Variants in KCNJ6 observed in about 807,000 individuals in gnomAD.
The protein encoded by KCNJ6 is G protein-activated inward rectifier potassium channel 2.
A neutral mutation model predicts 34.2 loss-of-function variants in KCNJ6; 9 were observed. The observed-to-expected ratio is 0.26, with a 90% CI of 0.16 to 0.46. KCNJ6 has a LOEUF of 0.46. Among genes scored for constraint, KCNJ6 ranks in the 20% least tolerant of loss-of-function variants. KCNJ6 has a pLI of 1.00. For missense variants in KCNJ6, 236 were observed against 531.3 expected, an observed-to-expected ratio of 0.44 and a Z score of 5.46; for synonymous variants, 196 against 207.1, an observed-to-expected ratio of 0.95 and a Z score of 0.46.
chr21:37,729,528 T>C (rs1012379751), intron 2 of KCNJ6, among the ~76,000 whole-genome samples: 6 of 152,198 alleles, frequency 3.9e-5, no homozygotes, highest in African/African-American at 1.2e-4. Flanking sequence ...CTTGCCATGA[T>C]GCTCAGGCTG....
intron 2 of KCNJ6, 46 bp from the exon 3 acceptor site, chr21:37,715,177 C>G: frequency 6.6e-7 from 1 of 1,510,842 alleles, no homozygotes; most frequent in Non-Finnish European, 9.0e-7. Context: ...GAAAGGCTGG[C>G]TCTTTGAGGA....
At chr21:37,698,130 C>T (rs1434764528) in intron 3 of KCNJ6, among the ~76,000 whole-genome samples, 2 of 152,256 alleles carry the variant, frequency 1.3e-5, no homozygotes, top group Non-Finnish European at 2.9e-5. Flanking sequence ...GTACTGTTTA[C>T]TGCGGGATCT....
chr21:37,769,103 C>T (rs376998148), intron 2 of KCNJ6, among the ~76,000 whole-genome samples: 14 of 152,276 alleles, frequency 9.2e-5, no homozygotes, highest in East Asian at 1.9e-4. Flanking sequence ...TCAGATGCTG[C>T]GCACGGGGTG....
intron 2 of KCNJ6, among the ~76,000 whole-genome samples, chr21:37,792,194 G>A (rs532467787): frequency 6.6e-6 from 1 of 152,348 alleles, no homozygotes; most frequent in South Asian, 2.1e-4. Context: ...AAATGCTTGT[G>A]CATCAGCTGC....
intron 3 of KCNJ6, among the ~76,000 whole-genome samples, chr21:37,690,139 ATATC>A (rs1356858037): frequency 6.6e-6 from 1 of 152,172 alleles, no homozygotes; most frequent in African/African-American, 2.4e-5. Flanking sequence ...TTATTTCAAA[ATATC>A]TATATATTTG....
At chr21:37,823,058 C>A (rs2055381579) in intron 2 of KCNJ6, among the ~76,000 whole-genome samples, 1 of 152,130 alleles carries the variant, frequency 6.6e-6, no homozygotes, top group South Asian at 2.1e-4. Flanking sequence ...GAGGGAGGGA[C>A]AGATTCACAT....
intron 3 of KCNJ6, among the ~76,000 whole-genome samples, chr21:37,671,766 GGTT>G (rs1346337236): frequency 6.6e-6 from 1 of 152,202 alleles, no homozygotes; most frequent in Non-Finnish European, 1.5e-5. Flanking sequence ...CTGCAGCACT[GGTT>G]GTTGTTGGAG....
intron 2 of KCNJ6, among the ~76,000 whole-genome samples, chr21:37,748,530 G>A (rs2054978978): frequency 6.6e-6 from 1 of 151,766 alleles, no homozygotes; most frequent in South Asian, 2.1e-4. Flanking sequence ...GCTTGGTTTT[G>A]TGGTAGTGGG....
At position 37,701,395 on chromosome 21, in the gene KCNJ6, T is replaced by TGTG. The variant is rs1569448045; in HGVS notation, c.946+12815_946+12816insCAC. On this transcript the variant is annotated intron_variant, in intron 3 of 3. Transcript: ENST00000609713. ...GTTTGACCAAGACCAGGTTAACTTT[T>TGTG]TGTGTGTGTGTGTGTGGCAATTTTA... 1.7e-4 allele frequency among the ~76,000 whole-genome samples: 26 copies of TGTG among 151,508 alleles called. No homozygotes were observed. The East Asian group carries it at 4.3e-3, about 25-fold the overall frequency.
intron 2 of KCNJ6, among the ~76,000 whole-genome samples, chr21:37,768,151 A>G (rs1166035282): frequency 6.8e-6 from 1 of 148,100 alleles, no homozygotes; most frequent in Non-Finnish European, 1.5e-5. Context: ...CTTCTCAGCC[A>G]TATGTCAGCC....
intron 1 of KCNJ6, among the ~76,000 whole-genome samples, chr21:37,862,074 G>T (rs150435718): frequency 6.6e-6 from 1 of 152,202 alleles, no homozygotes; most frequent in African/African-American, 2.4e-5. Context: ...CCCAAGTAAG[G>T]CTTAGAAGAC....
In KCNJ6 at chr21:37,706,662, T is replaced by C. The variant is rs576984554; in HGVS notation, c.946+7549A>G. 7.9e-4 allele frequency among the ~76,000 whole-genome samples: 120 copies of C among 152,382 alleles called. 1 individual carries two copies. Among genetic ancestry groups the C allele is most frequent in the African/African-American group, 2.8e-3 (117 of 41,590 alleles). On this transcript the variant is annotated intron_variant, in intron 3 of 3. Transcript: ENST00000609713. ...ATAACTTAGCCAAAGCAGACTGATA[T>C]AGTATCTATCATTCTTTCTATGTAA...
intron 1 of KCNJ6, among the ~76,000 whole-genome samples, chr21:37,912,172 T>G (rs186893944): frequency 2.6e-5 from 4 of 152,248 alleles, no homozygotes; most frequent in African/African-American, 9.6e-5. Flanking sequence ...AATAGCAAAA[T>G]GGAACCAAGT....
At chr21:37,646,412 C>G (rs1225146672) in intron 3 of KCNJ6, among the ~76,000 whole-genome samples, 6 of 152,104 alleles carry the variant, frequency 3.9e-5, no homozygotes, top group African/African-American at 1.4e-4. Context: ...GTTATTATCC[C>G]GGGGTGACAT....
intron 2 of KCNJ6, among the ~76,000 whole-genome samples, chr21:37,802,528 C>A (rs2055274159): frequency 6.6e-6 from 1 of 152,044 alleles, no homozygotes; most frequent in African/African-American, 2.4e-5. Context: ...GGCTATGCTG[C>A]CAGCTTTGAA....
chr21:37,811,043 G>A (rs2055320117), intron 2 of KCNJ6, among the ~76,000 whole-genome samples: 1 of 152,148 alleles, frequency 6.6e-6, no homozygotes, highest in South Asian at 2.1e-4. Flanking sequence ...CATCCTCCGG[G>A]AAGAGGAGAG....
chr21:37,700,807 C>T (rs1237242676), intron 3 of KCNJ6, among the ~76,000 whole-genome samples: 2 of 152,126 alleles, frequency 1.3e-5, no homozygotes, highest in Non-Finnish European at 2.9e-5. Flanking sequence ...TAGACCTATT[C>T]CACAGACTTC....
chr21:37,694,748 G>T (rs539557889), intron 3 of KCNJ6, among the ~76,000 whole-genome samples: 6 of 152,314 alleles, frequency 3.9e-5, no homozygotes, highest in African/African-American at 1.2e-4. Context: ...CTCCCAATGT[G>T]ACTGTACTTA....
chr21:37,784,880 ATT>A (rs1410253496), intron 2 of KCNJ6, among the ~76,000 whole-genome samples: 1 of 152,016 alleles, frequency 6.6e-6, no homozygotes, highest in Non-Finnish European at 1.5e-5. Context: ...AGAATTTAAT[ATT>A]TTCCTCCAGA....
Sources: allele counts gnomAD v4.1 joint callset (sites outside exome capture counted in the v4.1 genomes callset), GRCh38; gene constraint gnomAD v4.1.1; transcripts MANE v1.5; gene names NCBI Gene and HGNC (gene_info 2026-07-23, HGNC 2026-07-21).